The following ADAMTS3 variants were observed in gnomAD, a reference collection of about 807,000 sequenced individuals.
ADAMTS3 encodes the protein ADAM metallopeptidase with thrombospondin type 1 motif 3, also known as A disintegrin and metalloproteinase with thrombospondin motifs 3.
A neutral mutation model predicts 129.0 loss-of-function variants in ADAMTS3; 73 were observed. The ratio of observed to expected loss-of-function variants is 0.57; its 90% CI spans 0.47 to 0.69. The LOEUF (loss-of-function observed/expected upper bound fraction) is 0.69. Among genes scored for constraint, ADAMTS3 ranks in the 30% least tolerant of loss-of-function variants. ADAMTS3 has a pLI of 0.00. For missense variants in ADAMTS3, 1,457 were observed against 1,514.5 expected (o/e 0.96, Z 0.63); for synonymous variants, 477 against 510.8 (o/e 0.93, Z 0.89).
intron 3 of ADAMTS3, among the ~76,000 whole-genome samples, chr4:72,482,853 G>T (rs1411697467): frequency 2.0e-5 from 3 of 152,082 alleles, no homozygotes; most frequent in Non-Finnish European, 4.4e-5. Context: ...TAAGTCATTG[G>T]AAAATTGGTC....
At chr4:72,470,453 T>A (rs1463772323) in intron 3 of ADAMTS3, among the ~76,000 whole-genome samples, 9 of 147,166 alleles carry the variant, frequency 6.1e-5, no homozygotes, top group Non-Finnish European at 1.3e-4. Flanking sequence ...ATATATACAC[T>A]CATAATATAT....
chr4:72,568,438 T>G (rs896345237), intron 1 of ADAMTS3, among the ~76,000 whole-genome samples: 12 of 152,100 alleles, frequency 7.9e-5, no homozygotes, highest in Admixed American at 5.9e-4. Flanking sequence ...GTTACGAATG[T>G]CGCAGACTGG....
At chr4:72,486,530 T>C (rs1468223773) in intron 3 of ADAMTS3, among the ~76,000 whole-genome samples, 1 of 152,204 alleles carries the variant, frequency 6.6e-6, no homozygotes, top group East Asian at 1.9e-4. Flanking sequence ...CCGTCATTAA[T>C]AAATCCAGGG....
intron 3 of ADAMTS3, among the ~76,000 whole-genome samples, chr4:72,513,930 C>G (rs1392795103): frequency 3.3e-5 from 5 of 152,068 alleles, no homozygotes; most frequent in African/African-American, 1.2e-4. Flanking sequence ...CGAGAATATG[C>G]AGTATTTGGT....
intron 4 of ADAMTS3, among the ~76,000 whole-genome samples, chr4:72,403,316 G>A (rs1319987545): frequency 1.3e-5 from 2 of 151,980 alleles, no homozygotes; most frequent in Non-Finnish European, 2.9e-5. Context: ...ACTCTCTGAT[G>A]TGCATAGATA....
At chr4:72,536,236 T>C (rs1721182783) in intron 3 of ADAMTS3, among the ~76,000 whole-genome samples, 1 of 152,176 alleles carries the variant, frequency 6.6e-6, no homozygotes, top group African/African-American at 2.4e-5. Flanking sequence ...TGGAAAGTAA[T>C]GGGTTTTTTA....
intron 3 of ADAMTS3, among the ~76,000 whole-genome samples, chr4:72,532,135 T>C (rs1721060629): frequency 6.6e-6 from 1 of 151,454 alleles, no homozygotes. Flanking sequence ...ATTGCACACA[T>C]ACAAGAAACA....
chr4:72,550,039 A>G (rs1447752270), intron 2 of ADAMTS3, among the ~76,000 whole-genome samples: 2 of 18,714 alleles, frequency 1.1e-4, no homozygotes, highest in East Asian at 2.8e-3. Flanking sequence ...AAGAAGAAGA[A>G]GAAGAGGAAG....
At chr4:72,527,586 G>A (rs919872152) in intron 3 of ADAMTS3, among the ~76,000 whole-genome samples, 3 of 152,084 alleles carry the variant, frequency 2.0e-5, no homozygotes, top group Non-Finnish European at 2.9e-5. Flanking sequence ...AAGAAGCAGC[G>A]AGAGTAAGAA....
intron 3 of ADAMTS3, among the ~76,000 whole-genome samples, chr4:72,517,030 G>C (rs1021308628): frequency 1.5e-4 from 23 of 152,090 alleles, no homozygotes; most frequent in African/African-American, 5.6e-4. Context: ...AATTTATTGA[G>C]AGTTTTTAGC....
intron 3 of ADAMTS3, among the ~76,000 whole-genome samples, chr4:72,484,392 G>A (rs1719521853): frequency 6.6e-6 from 1 of 152,112 alleles, no homozygotes; most frequent in African/African-American, 2.4e-5. Flanking sequence ...TTGGGATCCT[G>A]ACCATCTATG....
rs1009150533 is a variant in ADAMTS3 at position 72,474,393 on chromosome 4, C to T, written c.505-59422G>A. Among the ~76,000 whole-genome samples the T allele has an allele frequency of 2.0e-5, 3 of 151,882 alleles. No individual in the cohort carries two copies. In the South Asian group the frequency reaches 6.2e-4, roughly 32 times the overall value. On this transcript the variant is annotated intron_variant, in intron 3 of 21. Coordinates refer to ENST00000286657, the MANE Select transcript of ADAMTS3 (RefSeq NM_014243.3). ...GGAAAATTCAAATAAAGTATTACAA[C>T]AGAAAAATATGGTAACCCAGACACA... is the stretch of plus-strand genomic sequence containing the variant.
intron 3 of ADAMTS3, among the ~76,000 whole-genome samples, chr4:72,452,376 C>T (rs1408774890): frequency 1.3e-5 from 2 of 151,392 alleles, no homozygotes; most frequent in African/African-American, 4.8e-5. Context: ...TAGGGTATTG[C>T]TTTCATAAAA....
intron 3 of ADAMTS3, among the ~76,000 whole-genome samples, chr4:72,488,989 T>C (rs1578728086): frequency 6.6e-6 from 1 of 152,002 alleles, no homozygotes; most frequent in Non-Finnish European, 1.5e-5. Context: ...TTTCTATAAG[T>C]TGACTTTTTT....
At chr4:72,412,462 G>C (rs1279971251) in intron 4 of ADAMTS3, among the ~76,000 whole-genome samples, 1 of 151,796 alleles carries the variant, frequency 6.6e-6, no homozygotes, top group Non-Finnish European at 1.5e-5. Context: ...GAGAAGACTT[G>C]GCTCTCCATC....
At chr4:72,445,198 A>C (rs1291029454) in intron 3 of ADAMTS3, among the ~76,000 whole-genome samples, 1 of 151,774 alleles carries the variant, frequency 6.6e-6, no homozygotes, top group Non-Finnish European at 1.5e-5. Flanking sequence ...TGGTATGTGA[A>C]TCACAACTCA....
chr4:72,510,477 C>G (rs1204820857), intron 3 of ADAMTS3, among the ~76,000 whole-genome samples: 1 of 151,880 alleles, frequency 6.6e-6, no homozygotes, highest in African/African-American at 2.4e-5. Flanking sequence ...TATATGCCAA[C>G]AGTGAACAAT....
At chr4:72,555,206 AG>A (rs1350342389) in intron 2 of ADAMTS3, among the ~76,000 whole-genome samples, 20 of 151,826 alleles carry the variant, frequency 1.3e-4, no homozygotes, top group Admixed American at 6.5e-5. Flanking sequence ...TCAGAGATTA[AG>A]TAACTTAACC....
chr4:72,329,720 T>G (rs903940387), intron 5 of ADAMTS3, among the ~76,000 whole-genome samples: 6 of 151,762 alleles, frequency 4.0e-5, no homozygotes, highest in African/African-American at 2.4e-5. Context: ...TTACTTTTCT[T>G]CTCTTAGTAA....
Sources: gnomAD v4.1 joint callset for allele counts (sites outside exome capture counted in the v4.1 genomes callset) on GRCh38, gnomAD v4.1.1 for gene constraint, MANE v1.5 for transcripts, NCBI Gene and HGNC (gene_info 2026-07-23, HGNC 2026-07-21) for gene names.